XPNPEP1: variants seen among roughly 807,000 people sequenced by gnomAD.
XPNPEP1 encodes the protein X-prolyl aminopeptidase 1.
XPNPEP1 carries 39 observed loss-of-function variants against 92.4 expected under a neutral mutation model. The observed-to-expected ratio is 0.42, with a 90% CI of 0.33 to 0.55. The LOEUF (loss-of-function observed/expected upper bound fraction) is 0.55, where lower values mean the gene tolerates loss of function less well. Ranked by LOEUF, XPNPEP1 falls within the 20% of genes least tolerant of loss-of-function variation. The pLI is 0.08. For missense variants in XPNPEP1, 654 were observed against 856.1 expected (o/e 0.76, Z 2.95); for synonymous variants, 307 against 299.4 (o/e 1.03, Z -0.26).
At chr10:109,890,315 G>A (rs1386656428) in intron 5 of XPNPEP1, among the ~76,000 whole-genome samples, 2 of 152,126 alleles carry the variant, frequency 1.3e-5, no homozygotes, top group Non-Finnish European at 2.9e-5. Flanking sequence ...ATGATCTACT[G>A]GGTGCAAGAA....
intron 20 of XPNPEP1, 77 bp from the exon 21 acceptor site, chr10:109,865,389 G>T: frequency 6.3e-7 from 1 of 1,575,136 alleles, no homozygotes; most frequent in South Asian, 1.1e-5. Context: ...AACAGCAAAG[G>T]CCCCCATGTG....
intron 2 of XPNPEP1, among the ~76,000 whole-genome samples, chr10:109,912,453 T>C (rs928423215): frequency 4.6e-5 from 7 of 152,266 alleles, no homozygotes; most frequent in African/African-American, 1.7e-4. Flanking sequence ...GCCCTGGTGG[T>C]TGAGGCAGCT....
intron 1 of XPNPEP1, among the ~76,000 whole-genome samples, chr10:109,918,408 G>C (rs1232311578): frequency 6.6e-6 from 1 of 151,902 alleles, no homozygotes; most frequent in African/African-American, 2.4e-5. Context: ...GTGACACAGA[G>C]AGACCCTGTC....
intron 19 of XPNPEP1, 185 bp downstream of exon 19, chr10:109,869,768 A>C (rs1323365309): frequency 1.9e-6 from 1 of 540,040 alleles, no homozygotes; most frequent in African/African-American, 1.9e-5. Flanking sequence ...CTGGAGAAGA[A>C]GGCTCCATGT....
intron 15 of XPNPEP1, 96 bp downstream of exon 15, chr10:109,875,432 T>G (rs777101922): frequency 8.1e-5 from 90 of 1,108,456 alleles, no homozygotes; most frequent in Non-Finnish European, 1.2e-4. Context: ...CAGAGGGCGA[T>G]GACCAGCTGA....
chr10:109,882,543 G>T lies in XPNPEP1; in HGVS notation c.930C>A (p.Pro310=). The T allele has an allele frequency of 6.2e-7, 1 of 1,614,200 alleles. No homozygotes were observed. Among genetic ancestry groups the T allele is most frequent in the Non-Finnish European group, 8.5e-7 (1 of 1,180,040 alleles). ...TGAGCTCGCTCAGGATGGACTTGTA[G>T]GGATGCACCTGGATCCTGTATTCGG... The part of the protein sequence containing the change: ...LEAEYRIQVH[P]YKSILSELKA... Residue 310 remains proline (P), a synonymous_variant, in exon 10 of 21, where the codon CCC becomes CCA. Transcript: ENST00000502935.
intron 3 of XPNPEP1, among the ~76,000 whole-genome samples, chr10:109,898,832 T>C (rs1849121876): frequency 6.6e-6 from 1 of 152,220 alleles, no homozygotes; most frequent in Admixed American, 6.5e-5. Flanking sequence ...GGGATCAACA[T>C]GGCTGGTCAC....
chr10:109,869,722 G>A, intron 19 of XPNPEP1: 1 of 449,036 alleles, frequency 2.2e-6, no homozygotes, highest in Non-Finnish European at 4.0e-6. Context: ...TGGCTTTGCA[G>A]GGAAGGAGTG....
chr10:109,871,471 G>A (rs1289826542), intron 17 of XPNPEP1, among the ~76,000 whole-genome samples: 4 of 152,212 alleles, frequency 2.6e-5, no homozygotes, highest in Non-Finnish European at 5.9e-5. Context: ...ACAGGAGGCT[G>A]CACCAACTTC....
chr10:109,912,855 GCTCA>G (rs1849954040), intron 2 of XPNPEP1, among the ~76,000 whole-genome samples: 1 of 152,202 alleles, frequency 6.6e-6, no homozygotes, highest in South Asian at 2.1e-4. Context: ...ATATACATAT[GCTCA>G]CTCAAAGATG....
At chr10:109,907,868 C>A in intron 2 of XPNPEP1, 53 bp from the exon 3 acceptor site, 1 of 1,605,792 alleles carries the variant, frequency 6.2e-7, no homozygotes. Context: ...AGCAATTCAA[C>A]GTCCAGTTCG....
chr10:109,881,227 T>C (rs1372610254), intron 10 of XPNPEP1, among the ~76,000 whole-genome samples: 2 of 152,208 alleles, frequency 1.3e-5, no homozygotes, highest in Non-Finnish European at 2.9e-5. Context: ...GACATTGCTT[T>C]CCAAGCCACT....
intron 2 of XPNPEP1, among the ~76,000 whole-genome samples, chr10:109,910,601 T>C (rs929592247): frequency 1.3e-5 from 2 of 152,162 alleles, no homozygotes; most frequent in African/African-American, 4.8e-5. Context: ...TTTTGATTGC[T>C]TGATAGCTCA....
At position 109,888,608 on chromosome 10, in the gene XPNPEP1, G is replaced by A; in HGVS notation, c.416-13C>T. 1 of 1,581,586 alleles carries A rather than the reference G, an allele frequency of 6.3e-7. No homozygotes were observed. The highest frequency in any genetic ancestry group is 8.6e-7 in the Non-Finnish European group (1 of 1,160,962). ...GTGTCCTTCAGACCTACAGGGGGAA[G>A]AAATGATAAGAAACAATTCCCAGTG... On this transcript the variant is annotated splice_polypyrimidine_tract_variant and intron_variant, in intron 5 of 20. Transcript: ENST00000502935.
rs1223388721 is a variant in XPNPEP1, at chr10:109,873,399, T to C, written c.1420A>G (p.Met474Val). 3 of 1,614,196 alleles carry C rather than the reference T, an allele frequency of 1.9e-6. No individual in the cohort carries two copies. Among genetic ancestry groups the C allele is most frequent in the Non-Finnish European group, 2.5e-6 (3 of 1,180,022 alleles). The part of the protein sequence containing the change: ...KDGTTDVTRT[M>V]HFGTPTAYEK... The stretch of plus-strand genomic sequence containing the variant: ...TAGGCTGTAGGGGTCCCAAAATGCA[T>C]TGTCCGCGTCACATCTGTGGTGCCA... Residue 474 changes from methionine (M) to valine (V), a missense_variant, in exon 16 of 21, where the codon ATG becomes GTG. Physicochemically the swap from Met to Val is conservative, Grantham distance 21 (BLOSUM62 1). Coordinates refer to ENST00000502935, the MANE Select transcript of XPNPEP1 (RefSeq NM_020383.4).
intron 3 of XPNPEP1, among the ~76,000 whole-genome samples, chr10:109,904,190 A>C (rs1157847260): frequency 6.7e-6 from 1 of 148,694 alleles, no homozygotes; most frequent in Non-Finnish European, 1.5e-5. Context: ...ACACAAACGA[A>C]CCTCACCAAG....
intron 10 of XPNPEP1, among the ~76,000 whole-genome samples, chr10:109,881,344 A>G (rs758659875): frequency 3.9e-5 from 6 of 152,136 alleles, no homozygotes; most frequent in Non-Finnish European, 8.8e-5. Context: ...ACATGACCTG[A>G]TGAGTGAGGT....
At chr10:109,914,863 T>C in intron 2 of XPNPEP1, 148 bp downstream of exon 2, 1 of 394,812 alleles carries the variant, frequency 2.5e-6, no homozygotes. Flanking sequence ...AGCCAAAAAA[T>C]AAAATGGTTT....
rs116560143 is a variant in XPNPEP1, at chr10:109,887,779, A to T, written c.652+270T>A. On this transcript the variant is annotated intron_variant, in intron 7 of 20. Transcript: ENST00000502935. Reference sequence around the variant, plus strand: ...AGTGGCAGTTAGCAGCTGAGTGGATAAAAAAAACTCAGTCTTTTCAGCAGC... The same window carrying T: ...AGTGGCAGTTAGCAGCTGAGTGGATTAAAAAAACTCAGTCTTTTCAGCAGC... Among the ~76,000 whole-genome samples the T allele has an allele frequency of 9.9e-3, 1,504 of 152,244 alleles. 29 individuals carry two copies. The highest frequency in any genetic ancestry group is 0.034 in the African/African-American group (1,417 of 41,516).
Sources: gnomAD v4.1 joint callset for allele counts (sites outside exome capture counted in the v4.1 genomes callset) on GRCh38, gnomAD v4.1.1 for gene constraint, MANE v1.5 for transcripts, NCBI Gene and HGNC (gene_info 2026-07-23, HGNC 2026-07-21) for gene names.